TECPR2: variants seen among roughly 807,000 people sequenced by gnomAD.
TECPR2 encodes the protein tectonin beta-propeller repeat-containing protein 2.
In TECPR2, 65 loss-of-function variants were observed where a neutral mutation model predicts 138.1. The observed-to-expected ratio is 0.47, with a 90% confidence interval of 0.39 to 0.58. TECPR2 has a LOEUF of 0.58. TECPR2 is among the 20% of genes least tolerant of loss of function. TECPR2 has a pLI of 0.00. For missense variants in TECPR2, 1,553 were observed against 1,824.5 expected (o/e 0.85, Z 2.71); for synonymous variants, 746 against 749.8 (o/e 0.99, Z 0.08).
Position 102,414,619 on chromosome 14 carries a change from C to G in TECPR2, c.481-17C>G, listed in dbSNP as rs956182440. ...GCCTGGCGCTGATGTGAGGTGTAAC[C>G]AGACTTTCTCTGCCAGGGGCTCTGT... On this transcript the variant is annotated splice_polypyrimidine_tract_variant and intron_variant, in intron 4 of 19. Coordinates refer to ENST00000359520, the MANE Select transcript of TECPR2 (RefSeq NM_014844.5). 3 of 1,613,538 alleles carry G rather than the reference C, an allele frequency of 1.9e-6. No individual in the cohort carries two copies. The highest frequency in any genetic ancestry group is 2.7e-5 in the African/African-American group (2 of 74,884).
At chr14:102,418,959 G>A (rs1394981905) in intron 5 of TECPR2, among the ~76,000 whole-genome samples, 1 of 152,122 alleles carries the variant, frequency 6.6e-6, no homozygotes, top group Non-Finnish European at 1.5e-5. Flanking sequence ...GGGAGAAGGA[G>A]GAGATGGAAC....
intron 4 of TECPR2, among the ~76,000 whole-genome samples, chr14:102,410,711 A>G (rs1248521495): frequency 1.1e-4 from 17 of 152,346 alleles, no homozygotes; most frequent in Non-Finnish European, 1.5e-5. Flanking sequence ...CTCAAAAAAA[A>G]AAAACTTGTC....
Position 102,376,956 on chromosome 14 carries a change from C to T in TECPR2, c.219+16C>T. On this transcript the variant is annotated intron_variant, in intron 2 of 19. Transcript: ENST00000359520. Reference sequence around the variant, plus strand: ...CAACTTTGAGGTGAGCCTTGCTTTGCTTTTCACCTGAGGGGGCACGAGCCA... The same window carrying T: ...CAACTTTGAGGTGAGCCTTGCTTTGTTTTTCACCTGAGGGGGCACGAGCCA... The T allele has an allele frequency of 6.2e-7, 1 of 1,602,424 alleles. No individual in the cohort carries two copies. The highest frequency in any genetic ancestry group is 1.3e-5 in the African/African-American group (1 of 74,742).
intron 17 of TECPR2, among the ~76,000 whole-genome samples, chr14:102,495,941 T>A (rs1891268948): frequency 6.6e-6 from 1 of 152,048 alleles, no homozygotes; most frequent in South Asian, 2.1e-4. Context: ...GCCCTGAGAG[T>A]GTCTGGCCCC....
chr14:102,364,825 G>A (rs1395384005), intron 1 of TECPR2, among the ~76,000 whole-genome samples: 1 of 152,212 alleles, frequency 6.6e-6, no homozygotes, highest in East Asian at 1.9e-4. Flanking sequence ...GCATCAGGCA[G>A]AGGCAGTTGA....
intron 16 of TECPR2, among the ~76,000 whole-genome samples, chr14:102,457,798 C>G (rs959027427): frequency 6.7e-6 from 1 of 149,210 alleles, no homozygotes; most frequent in African/African-American, 2.5e-5. Flanking sequence ...GGATGTTGTT[C>G]AATATCAAAT....
At chr14:102,366,317 G>C (rs1262691851) in intron 1 of TECPR2, among the ~76,000 whole-genome samples, 1 of 152,130 alleles carries the variant, frequency 6.6e-6, no homozygotes, top group Non-Finnish European at 1.5e-5. Flanking sequence ...AAATAGTCAT[G>C]ACTAAGGAAG....
intron 2 of TECPR2, among the ~76,000 whole-genome samples, chr14:102,403,146 A>G (rs1362115623): frequency 6.6e-6 from 1 of 152,204 alleles, no homozygotes; most frequent in East Asian, 1.9e-4. Context: ...AGAAAATACT[A>G]GCAAGTAAAT....
rs1268418947 is a variant in TECPR2 at position 102,443,380 on chromosome 14, G to A, written c.2753-267G>A. Among the ~76,000 whole-genome samples, 4 of 152,174 alleles carry A rather than the reference G, an allele frequency of 2.6e-5. No individual in the cohort carries two copies. Among genetic ancestry groups the A allele is most frequent in the Admixed American group, 2.0e-4 (3 of 15,268 alleles). On this transcript the variant is annotated intron_variant, in intron 11 of 19. Transcript: ENST00000359520. The surrounding 1 kb of genome is among the most constrained non-coding windows in gnomAD (Gnocchi z 4.9). The stretch of plus-strand genomic sequence containing the variant: ...GACAACAAAAAAGCGGCCGGACAGG[G>A]CAGCTCCTGCCTGTAATCCCAGCAC...
chr14:102,428,215 GTT>G lies in TECPR2; in HGVS notation c.952-30_952-29del, dbSNP rs375843791. 1,880 of 1,309,596 alleles carry G rather than the reference GTT, an allele frequency of 1.4e-3. 21 individuals are homozygous for G. The African/African-American group carries it at 0.033, about 23-fold the overall frequency. 81.1% of individuals were successfully genotyped at this position (1,309,596 alleles called of 1,614,324 possible). ...AGCTGTTACCGTTGTTTAGTTTTGT[GTT>G]TTTTGTTTTTTTTTTTTTTTTTTTT... On this transcript the variant is annotated intron_variant, in intron 6 of 19. Coordinates refer to ENST00000359520, the MANE Select transcript of TECPR2 (RefSeq NM_014844.5).
intron 17 of TECPR2, among the ~76,000 whole-genome samples, chr14:102,481,918 C>CACGG (rs774034556): frequency 3.3e-5 from 5 of 152,188 alleles, no homozygotes; most frequent in Non-Finnish European, 7.3e-5. Context: ...GCTTCCTGGG[C>CACGG]ACGGGCCTTG....
rs1212433586 is a variant in TECPR2 at position 102,499,021 on chromosome 14, C to T, written c.*764C>T. On this transcript the variant is annotated 3_prime_UTR_variant, in exon 20 of 20. Transcript: ENST00000359520. Reference sequence around the variant, plus strand: ...CACCGCACCGCACCGCACCGTACCTCGCCACATCTCACCACACCACACCAC... The same window carrying T: ...CACCGCACCGCACCGCACCGTACCTTGCCACATCTCACCACACCACACCAC... The T allele has an allele frequency of 5.7e-6, 4 of 698,070 alleles. No individual in the cohort carries two copies. Among genetic ancestry groups the T allele is most frequent in the Non-Finnish European group, 1.0e-5 (4 of 383,886 alleles). The allele number at this position is 698,070 out of a possible 1,614,324, so 43.2% of individuals were successfully genotyped here. A position where few individuals can be genotyped will look rare whatever the true frequency, so the allele number is the denominator to read the frequency against.
intron 2 of TECPR2, among the ~76,000 whole-genome samples, 198 bp from the exon 3 acceptor site, chr14:102,407,140 G>A (rs973488723): frequency 3.3e-5 from 5 of 152,108 alleles, no homozygotes; most frequent in Admixed American, 6.5e-5. Context: ...GATTACAGGC[G>A]TGATCCACCA....
intron 10 of TECPR2, among the ~76,000 whole-genome samples, chr14:102,439,047 G>A (rs1196572353): frequency 6.6e-6 from 1 of 151,694 alleles, no homozygotes; most frequent in South Asian, 2.1e-4. Context: ...TATTTTTTTA[G>A]TGGACACGGG....
intron 17 of TECPR2, among the ~76,000 whole-genome samples, chr14:102,466,378 G>T (rs929086540): frequency 6.6e-5 from 10 of 152,106 alleles, no homozygotes; most frequent in African/African-American, 2.4e-4. Context: ...TCAAACATGA[G>T]GTTGTACATA....
intron 16 of TECPR2, among the ~76,000 whole-genome samples, chr14:102,454,152 T>G (rs1456819174): frequency 3.3e-4 from 49 of 147,902 alleles, no homozygotes; most frequent in Admixed American, 2.0e-3. Flanking sequence ...AGACTCTGTC[T>G]CAAAAGAAAA....
intron 17 of TECPR2, among the ~76,000 whole-genome samples, chr14:102,491,644 C>T (rs781099206): frequency 6.6e-6 from 1 of 152,240 alleles, no homozygotes; most frequent in Non-Finnish European, 1.5e-5. Context: ...TGCAGCCTCC[C>T]AGCCTCCTTG....
intron 17 of TECPR2, among the ~76,000 whole-genome samples, chr14:102,481,642 G>C (rs1890896308): frequency 6.6e-6 from 1 of 152,180 alleles, no homozygotes; most frequent in South Asian, 2.1e-4. Flanking sequence ...AAAATCAGTA[G>C]GTTGACATGT....
intron 17 of TECPR2, among the ~76,000 whole-genome samples, chr14:102,470,451 G>A (rs1265123428): frequency 6.6e-6 from 1 of 151,710 alleles, no homozygotes; most frequent in Non-Finnish European, 1.5e-5. Context: ...GGGACTACAG[G>A]CATGTACCAC....
Sources: gnomAD v4.1 joint callset for allele counts (sites outside exome capture counted in the v4.1 genomes callset) on GRCh38, gnomAD v4.1.1 for gene constraint, Gnocchi (gnomAD v3.1) non-coding constraint, MANE v1.5 for transcripts, NCBI Gene and HGNC (gene_info 2026-07-23, HGNC 2026-07-21) for gene names.